GPHN: variants seen among roughly 807,000 people sequenced by gnomAD.
GPHN encodes the protein gephyrin.
Under a neutral mutation model 95.5 loss-of-function variants are expected in GPHN, and 17 were observed. The observed-to-expected ratio is 0.18, with a 90% CI of 0.12 to 0.27. GPHN has a LOEUF of 0.27. Among genes scored for constraint, GPHN ranks in the 10% least tolerant of loss-of-function variants. The pLI is 1.00. For synonymous variants in GPHN, 320 were observed against 322.5 expected, an observed-to-expected ratio of 0.99 and a Z score of 0.08; for missense variants, 660 against 978.1, an observed-to-expected ratio of 0.67 and a Z score of 4.34.
chr14:66,773,513 C>A (rs925028128), intron 2 of GPHN, among the ~76,000 whole-genome samples: 1 of 151,930 alleles, frequency 6.6e-6, no homozygotes, highest in African/African-American at 2.4e-5. Context: ...GCCACCACGC[C>A]CAGCTAATTT....
chr14:67,247,535 C>T, the GPHN span, among the ~76,000 whole-genome samples: 1 of 151,954 alleles, frequency 6.6e-6, no homozygotes, highest in Non-Finnish European at 1.5e-5. Flanking sequence ...TTAGGACTTC[C>T]ACTGAGATGT....
At chr14:67,395,654 GGGGCCCC>G in the GPHN span, 1 of 1,368,780 alleles carries the variant, frequency 7.3e-7, no homozygotes, top group South Asian at 1.2e-5. Context: ...CAAAAATGAC[GGGGCCCC>G]GGGAGAATCT....
chr14:66,620,789 CT>C (rs1249993161), intron 1 of GPHN, among the ~76,000 whole-genome samples: 1 of 152,194 alleles, frequency 6.6e-6, no homozygotes, highest in African/African-American at 2.4e-5. Flanking sequence ...AAAGTCTCAC[CT>C]GAGACAAGGC....
intron 1 of GPHN, among the ~76,000 whole-genome samples, chr14:66,562,442 A>G (rs1318240001): frequency 6.6e-6 from 1 of 152,118 alleles, no homozygotes; most frequent in Non-Finnish European, 1.5e-5. Context: ...AGTATATCCA[A>G]TTTTTATTTG....
At chr14:67,380,597 G>GT in the GPHN span, 2 of 859,748 alleles carry the variant, frequency 2.3e-6, no homozygotes, top group Non-Finnish European at 3.5e-6. Context: ...CATAGTGTTT[G>GT]GTTTCACATT....
chr14:67,489,258 T>G, the GPHN span, among the ~76,000 whole-genome samples: 1 of 152,132 alleles, frequency 6.6e-6, no homozygotes, highest in Admixed American at 6.5e-5. Context: ...AATCCAAACA[T>G]TTGATTCAAA....
At chr14:67,623,560 T>G in the GPHN span, among the ~76,000 whole-genome samples, 1 of 113,492 alleles carries the variant, frequency 8.8e-6, no homozygotes, top group Non-Finnish European at 1.7e-5. Flanking sequence ...TTTTTTTTTT[T>G]GAGACGGAGT....
At chr14:66,582,896 A>C (rs1414725991) in intron 1 of GPHN, among the ~76,000 whole-genome samples, 3 of 152,178 alleles carry the variant, frequency 2.0e-5, no homozygotes, top group East Asian at 1.9e-4. Flanking sequence ...TTGGGTATAT[A>C]CCCAGTAACG....
intron 8 of GPHN, among the ~76,000 whole-genome samples, chr14:66,929,622 AG>A: frequency 6.6e-6 from 1 of 151,332 alleles, no homozygotes; most frequent in Admixed American, 6.6e-5. Flanking sequence ...TTCTGATCTA[AG>A]TATAGCTACT....
rs998486714 is a variant in GPHN at position 67,070,419 on chromosome 14, C to T, written c.1144+11633C>T. Among the ~76,000 whole-genome samples, 7 of 149,106 alleles carry T rather than the reference C, an allele frequency of 4.7e-5. No homozygotes were observed. The East Asian group carries it at 9.8e-4, about 21-fold the overall frequency. ...CATATTCAAAAATTATATTACCGGC[C>T]GGGCGCGGTGGCTCACGCCTGTAAT... is the stretch of plus-strand genomic sequence containing the variant. On this transcript the variant is annotated intron_variant, in intron 11 of 22. Coordinates refer to ENST00000478722, the MANE Select transcript of GPHN (RefSeq NM_020806.5).
the GPHN span, among the ~76,000 whole-genome samples, chr14:67,414,927 G>A: frequency 1.3e-5 from 2 of 152,204 alleles, no homozygotes; most frequent in African/African-American, 4.8e-5. Flanking sequence ...CAGCCAGTTA[G>A]TGGTAAAACC....
At chr14:67,377,815 C>G in the GPHN span, among the ~76,000 whole-genome samples, 9 of 152,088 alleles carry the variant, frequency 5.9e-5, no homozygotes, top group African/African-American at 2.2e-4. Flanking sequence ...CTGCTTTTAA[C>G]AGCCACACTT....
chr14:66,968,321 TA>T (rs557295860), intron 9 of GPHN, among the ~76,000 whole-genome samples: 2 of 152,012 alleles, frequency 1.3e-5, no homozygotes, highest in Non-Finnish European at 2.9e-5. Context: ...GGAATGTGTT[TA>T]ATCTGAGGCA....
At chr14:66,534,503 TA>T (rs2059061998) in intron 1 of GPHN, among the ~76,000 whole-genome samples, 1 of 152,202 alleles carries the variant, frequency 6.6e-6, no homozygotes, top group Non-Finnish European at 1.5e-5. Flanking sequence ...ATTCTTCTGT[TA>T]ATGGACATTT....
intron 8 of GPHN, among the ~76,000 whole-genome samples, chr14:66,929,181 G>C (rs2066648960): frequency 1.3e-5 from 2 of 151,446 alleles, no homozygotes; most frequent in South Asian, 4.2e-4. Context: ...TCAGCTTCCC[G>C]AGTAGCTGGG....
At chr14:66,628,577 CTAG>C (rs2063609600) in intron 1 of GPHN, among the ~76,000 whole-genome samples, 1 of 151,962 alleles carries the variant, frequency 6.6e-6, no homozygotes, top group African/African-American at 2.4e-5. Context: ...TGGTGAAGGC[CTAG>C]GACTTTACCA....
chr14:66,955,425 C>G (rs1437781332), intron 8 of GPHN, among the ~76,000 whole-genome samples: 1 of 152,154 alleles, frequency 6.6e-6, no homozygotes, highest in Non-Finnish European at 1.5e-5. Context: ...ATGAAATAAT[C>G]ATCTGGTAGT....
At chr14:67,024,220 T>C (rs189171443) in intron 10 of GPHN, among the ~76,000 whole-genome samples, 1 of 152,216 alleles carries the variant, frequency 6.6e-6, no homozygotes, top group African/African-American at 2.4e-5. Context: ...CATTTAACTC[T>C]GTATATCATT....
chr14:67,020,727 G>T (rs548513107), intron 9 of GPHN, among the ~76,000 whole-genome samples: 39 of 152,090 alleles, frequency 2.6e-4, no homozygotes, highest in South Asian at 1.5e-3. Flanking sequence ...TTTGATTCCA[G>T]TTGAAAGGGG....
Sources: gnomAD v4.1 joint callset for allele counts (sites outside exome capture counted in the v4.1 genomes callset) on GRCh38, gnomAD v4.1.1 for gene constraint, MANE v1.5 for transcripts, NCBI Gene and HGNC (gene_info 2026-07-23, HGNC 2026-07-21) for gene names.